Variants in CCDC178 observed in about 807,000 individuals in gnomAD.
CCDC178 encodes the protein coiled-coil domain-containing protein 178.
Under a neutral mutation model 117.4 loss-of-function variants are expected in CCDC178, and 126 were observed. That is an observed-to-expected ratio of 1.07 (90% CI 0.93 to 1.24). The LOEUF is 1.24. Among genes scored for constraint, CCDC178 ranks in the 50% most tolerant of loss-of-function variants. The pLI is 0.00. For missense variants in CCDC178, 1,030 were observed against 986.9 expected (o/e 1.04, Z -0.59); for synonymous variants, 283 against 313.4 (o/e 0.90, Z 1.02).
At chr18:33,099,156 C>T (rs1351261348) in intron 20 of CCDC178, among the ~76,000 whole-genome samples, 3 of 152,042 alleles carry the variant, frequency 2.0e-5, no homozygotes, top group Non-Finnish European at 4.4e-5. Flanking sequence ...AAATGTTCTG[C>T]TGTCTTTTGA....
chr18:32,972,422 C>T (rs769813498), intron 22 of CCDC178, among the ~76,000 whole-genome samples: 1 of 152,032 alleles, frequency 6.6e-6, no homozygotes, highest in Non-Finnish European at 1.5e-5. Flanking sequence ...GTTATTGTAG[C>T]CTTGTAGTAT....
intron 17 of CCDC178, 28 bp from the exon 18 acceptor site, chr18:33,223,247 G>A: frequency 6.4e-7 from 1 of 1,557,374 alleles, no homozygotes; most frequent in Non-Finnish European, 8.7e-7. Flanking sequence ...ATTAAGATGT[G>A]CAGCATTTGC....
intron 12 of CCDC178, among the ~76,000 whole-genome samples, chr18:33,278,172 T>G (rs1599092944): frequency 6.6e-6 from 1 of 151,444 alleles, no homozygotes; most frequent in East Asian, 1.9e-4. Flanking sequence ...CTTCTTTTTT[T>G]TGGACCTTTG....
chr18:33,366,143 G>T (rs2063202920), intron 6 of CCDC178, among the ~76,000 whole-genome samples: 1 of 152,052 alleles, frequency 6.6e-6, no homozygotes, highest in African/African-American at 2.4e-5. Flanking sequence ...ACCCAGGGTA[G>T]ATGTAAGCTT....
intron 20 of CCDC178, among the ~76,000 whole-genome samples, chr18:33,166,211 G>A (rs764417582): frequency 2.0e-5 from 3 of 152,086 alleles, no homozygotes; most frequent in Non-Finnish European, 4.4e-5. Flanking sequence ...TCACACTTTA[G>A]GAACTGTTGG....
chr18:32,946,464 T>C (rs1178549575), intron 22 of CCDC178, among the ~76,000 whole-genome samples: 1 of 152,148 alleles, frequency 6.6e-6, no homozygotes, highest in Non-Finnish European at 1.5e-5. Flanking sequence ...ATGAATGAAA[T>C]ATATGGTTAT....
intron 12 of CCDC178, among the ~76,000 whole-genome samples, chr18:33,272,931 C>A (rs1210983238): frequency 2.0e-5 from 3 of 150,892 alleles, no homozygotes; most frequent in African/African-American, 7.3e-5. Flanking sequence ...AAGCCAACAT[C>A]ATACTTGATG....
chr18:33,363,351 T>C (rs1311549347), intron 6 of CCDC178, among the ~76,000 whole-genome samples: 1 of 151,950 alleles, frequency 6.6e-6, no homozygotes, highest in African/African-American at 2.4e-5. Context: ...TCTCAACTTA[T>C]AAGAAGCAGG....
intron 2 of CCDC178, among the ~76,000 whole-genome samples, chr18:33,413,326 A>G (rs1306241895): frequency 6.6e-6 from 1 of 152,160 alleles, no homozygotes; most frequent in Non-Finnish European, 1.5e-5. Flanking sequence ...ACCAACTTTT[A>G]AAGAAAAGTA....
chr18:33,429,902 G>A (rs1012216819), intron 2 of CCDC178, among the ~76,000 whole-genome samples: 4 of 152,090 alleles, frequency 2.6e-5, no homozygotes, highest in African/African-American at 7.2e-5. Flanking sequence ...ATTTCCAGCC[G>A]TTCTGTGTCA....
chr18:33,344,253 G>A (rs1452884577), intron 9 of CCDC178, among the ~76,000 whole-genome samples: 5 of 144,190 alleles, frequency 3.5e-5, no homozygotes, highest in African/African-American at 1.3e-4. Context: ...GCAGTGAGCC[G>A]AGATTGCGCC....
chr18:33,165,162 G>A (rs2144398485), intron 20 of CCDC178, among the ~76,000 whole-genome samples: 1 of 152,016 alleles, frequency 6.6e-6, no homozygotes, highest in African/African-American at 2.4e-5. Flanking sequence ...CCAAGACAAT[G>A]CAAAAATAAT....
intron 7 of CCDC178, among the ~76,000 whole-genome samples, chr18:33,355,760 G>GT (rs1466445371): frequency 6.6e-6 from 1 of 152,162 alleles, no homozygotes; most frequent in Non-Finnish European, 1.5e-5. Flanking sequence ...AACACTGCCT[G>GT]TAAGTAGCCC....
intron 21 of CCDC178, among the ~76,000 whole-genome samples, chr18:33,042,797 T>C (rs1433272197): frequency 6.6e-6 from 1 of 151,940 alleles, no homozygotes. Context: ...AATCAAGGTG[T>C]AGGCTGTATA....
chr18:33,411,910 GT>G, intron 3 of CCDC178, 120 bp downstream of exon 3: 2 of 508,166 alleles, frequency 3.9e-6, no homozygotes, highest in South Asian at 3.4e-5. Context: ...GTAAGTTTTG[GT>G]TTTGTGACCA....
intron 11 of CCDC178, among the ~76,000 whole-genome samples, chr18:33,314,851 G>A (rs2062395167): frequency 6.6e-6 from 1 of 152,124 alleles, no homozygotes; most frequent in Admixed American, 6.5e-5. Context: ...AGCAGCCTCA[G>A]AACCTAAGGA....
At chr18:33,219,683 C>T (rs570645953) in intron 18 of CCDC178, among the ~76,000 whole-genome samples, 1 of 152,026 alleles carries the variant, frequency 6.6e-6, no homozygotes, top group Admixed American at 6.6e-5. Context: ...GGACAGAAAA[C>T]CAAACACCAC....
At chr18:33,401,155 A>G (rs1337039760) in intron 3 of CCDC178, among the ~76,000 whole-genome samples, 1 of 152,178 alleles carries the variant, frequency 6.6e-6, no homozygotes, top group Non-Finnish European at 1.5e-5. Context: ...AACAAATACC[A>G]CTGATCACAG....
intron 11 of CCDC178, among the ~76,000 whole-genome samples, chr18:33,309,189 A>C (rs1184752751): frequency 1.4e-3 from 2 of 1,406 alleles, no homozygotes; most frequent in African/African-American, 2.3e-3. Context: ...GTTTTTTGAC[A>C]AAAAAAAAAA....
Sources: allele counts gnomAD v4.1 joint callset (sites outside exome capture counted in the v4.1 genomes callset), GRCh38; gene constraint gnomAD v4.1.1; transcripts MANE v1.5; gene names NCBI Gene and HGNC (gene_info 2026-07-23, HGNC 2026-07-21).